LARP1B: variants seen among roughly 807,000 people sequenced by gnomAD.
LARP1B encodes La ribonucleoprotein 1B, also known as la-related protein 1B.
Under a neutral mutation model 114.2 loss-of-function variants are expected in LARP1B, and 76 were observed. The observed-to-expected ratio is 0.67, with a 90% CI of 0.55 to 0.81. The LOEUF is 0.81. Ranked by LOEUF, LARP1B falls within the 30% of genes least tolerant of loss-of-function variation. The probability of loss-of-function intolerance (pLI) is 0.00; values close to 1 mark genes in which losing one functional copy is unlikely to be tolerated. For missense variants in LARP1B, 1,014 were observed against 1,075.8 expected (o/e 0.94, Z 0.80); for synonymous variants, 345 against 348.0 (o/e 0.99, Z 0.10).
chr4:128,084,943 A>G (rs954460127), intron 5 of LARP1B, among the ~76,000 whole-genome samples: 1 of 151,552 alleles, frequency 6.6e-6, no homozygotes, highest in African/African-American at 2.4e-5. Context: ...GGCTCACTGC[A>G]ACCTCTGCCT....
chr4:128,097,904 A>G (rs1484957506), intron 7 of LARP1B, among the ~76,000 whole-genome samples: 1 of 152,224 alleles, frequency 6.6e-6, no homozygotes, highest in Non-Finnish European at 1.5e-5. Flanking sequence ...TTTTAAGGTA[A>G]AATGAGCAGC....
chr4:128,221,504 C>T (rs1460059162), intron 7 of LARP1B, among the ~76,000 whole-genome samples: 1 of 152,184 alleles, frequency 6.6e-6, no homozygotes, highest in Non-Finnish European at 1.5e-5. Context: ...TAACAATATA[C>T]TGCACGTATT....
chr4:128,176,192 A>G (rs1745936626), intron 12 of LARP1B, among the ~76,000 whole-genome samples: 1 of 143,032 alleles, frequency 7.0e-6, no homozygotes, highest in African/African-American at 2.5e-5. Flanking sequence ...ATATAAATAT[A>G]TTTTTATATA....
At chr4:128,082,042 C>T in intron 4 of LARP1B, 123 bp from the exon 5 acceptor site, 3 of 969,548 alleles carry the variant, frequency 3.1e-6, no homozygotes, top group Non-Finnish European at 4.6e-6. Context: ...GGCCTCTTTA[C>T]AAATAATCTT....
chr4:128,199,296 T>C, intron 15 of LARP1B, 143 bp from the exon 16 acceptor site: 1 of 477,542 alleles, frequency 2.1e-6, no homozygotes, highest in Non-Finnish European at 3.6e-6. Flanking sequence ...CAGATCTGTA[T>C]GTCATTAATT....
chr4:128,103,540 A>G (rs1001096725), intron 8 of LARP1B, among the ~76,000 whole-genome samples: 7 of 150,408 alleles, frequency 4.7e-5, no homozygotes, highest in Admixed American at 4.6e-4. Flanking sequence ...ACTACATACA[A>G]TGTTTGTTAT....
chr4:128,108,009 A>T (rs1782689081), intron 9 of LARP1B: 1 of 1,526,306 alleles, frequency 6.6e-7, no homozygotes, highest in Non-Finnish European at 8.7e-7. Flanking sequence ...AAGCGATCAG[A>T]CTGTCTTCTG....
chr4:128,150,365 G>A (rs941794249), intron 11 of LARP1B, among the ~76,000 whole-genome samples: 2 of 149,120 alleles, frequency 1.3e-5, no homozygotes, highest in South Asian at 2.1e-4. Context: ...AGATCATAGC[G>A]TACTGCAGCC....
intron 4 of LARP1B, among the ~76,000 whole-genome samples, chr4:128,079,154 GC>G (rs1429303131): frequency 9.9e-5 from 15 of 151,096 alleles, no homozygotes; most frequent in Admixed American, 9.9e-4. Context: ...GAGTGCAGTG[GC>G]CCAGTCTTGA....
At chr4:128,062,914 T>A (rs1215416595) in intron 1 of LARP1B, among the ~76,000 whole-genome samples, 1 of 151,784 alleles carries the variant, frequency 6.6e-6, no homozygotes, top group Non-Finnish European at 1.5e-5. Context: ...TAAGTATAAT[T>A]AAAAAAAATA....
In LARP1B at chr4:128,122,092, C is replaced by A. The variant is rs774551960; in HGVS notation, c.1428C>A (p.Ile476=). ...RTGTHMSRAK[I]TSELAKVIND... ...GCACCCACATGTCTCGGGCAAAAAT[C>A]ACATCTGAACTTGCTAAAGTTATCA... Residue 476 remains isoleucine, a synonymous_variant, in exon 11 of 20, where the codon ATC becomes ATA. Transcript: ENST00000326639. 1 of 1,614,084 alleles carries A rather than the reference C, an allele frequency of 6.2e-7. No individual in the cohort carries two copies. Among genetic ancestry groups the A allele is most frequent in the Admixed American group, 1.7e-5 (1 of 60,020 alleles).
chr4:128,087,294 G>A (rs993519294), intron 5 of LARP1B, among the ~76,000 whole-genome samples: 3 of 152,196 alleles, frequency 2.0e-5, no homozygotes, highest in African/African-American at 7.2e-5. Flanking sequence ...ACAATAGGAT[G>A]AGCATTTGTT....
chr4:128,143,210 G>A (rs574366363), intron 11 of LARP1B, among the ~76,000 whole-genome samples: 3 of 152,164 alleles, frequency 2.0e-5, no homozygotes, highest in East Asian at 1.9e-4. Context: ...ACTTGAACCC[G>A]GGAGGTGGAG....
chr4:128,062,633 CAG>C (rs1323279261), intron 1 of LARP1B, among the ~76,000 whole-genome samples: 2 of 132,894 alleles, frequency 1.5e-5, no homozygotes, highest in African/African-American at 2.8e-5. Context: ...TGAAGCAAGT[CAG>C]AGCAAGGGGA....
intron 9 of LARP1B, 130 bp from the exon 10 acceptor site, chr4:128,114,440 A>G: frequency 3.0e-6 from 2 of 668,090 alleles, no homozygotes; most frequent in Non-Finnish European, 5.1e-6. Context: ...ATCACTGGAA[A>G]GCTTACAGTT....
intron 11 of LARP1B, among the ~76,000 whole-genome samples, chr4:128,132,693 C>T (rs1359973941): frequency 1.3e-5 from 2 of 152,002 alleles, no homozygotes; most frequent in African/African-American, 4.8e-5. Flanking sequence ...TATTGTAGAG[C>T]AGCGGTCCCC....
intron 11 of LARP1B, among the ~76,000 whole-genome samples, chr4:128,125,707 A>G (rs1213036247): frequency 4.6e-5 from 7 of 152,178 alleles, no homozygotes; most frequent in African/African-American, 9.7e-5. Flanking sequence ...GATCACGTCA[A>G]TGCATTCCAG....
chr4:128,210,239 C>T lies in LARP1B; in HGVS notation c.*186C>T. On this transcript the variant is annotated 3_prime_UTR_variant, in exon 20 of 20. Coordinates refer to ENST00000326639, the MANE Select transcript of LARP1B (RefSeq NM_018078.4). ...AGAAAAGTGGTAGCATTTTTTCTAA[C>T]AAGATAAATTCTAAAAATGTTTTCC... is the stretch of plus-strand genomic sequence containing the variant. 7.1e-7 allele frequency: 1 copy of T among 1,409,620 alleles called. No homozygotes were observed. Among genetic ancestry groups the T allele is most frequent in the Admixed American group, 2.9e-5 (1 of 34,334 alleles). The allele number at this position is 1,409,620 out of a possible 1,614,324, so 87.3% of individuals were successfully genotyped here. A position where few individuals can be genotyped will look rare whatever the true frequency, so the allele number is the denominator to read the frequency against.
At position 128,079,092 on chromosome 4, in the gene LARP1B, CT is replaced by C. The variant is rs75874776; in HGVS notation, c.217+1148del. On this transcript the variant is annotated intron_variant, in intron 4 of 19. Coordinates refer to ENST00000326639, the MANE Select transcript of LARP1B (RefSeq NM_018078.4). ...CTGATCACTTACTTGAATAGTTTGTCTTTTTTTTTTTTTTTTTTAAGAGACA... is the reference window on the plus strand; with the variant it reads ...CTGATCACTTACTTGAATAGTTTGTCTTTTTTTTTTTTTTTTTAAGAGACA... Among the ~76,000 whole-genome samples the C allele has an allele frequency of 1.8e-3, 263 of 142,226 alleles. 1 individual carries two copies. Among genetic ancestry groups the C allele is most frequent in the East Asian group, 0.012 (59 of 4,788 alleles). The allele number at this position is 142,226 out of a possible 152,430, so 93.3% of individuals were successfully genotyped here.
Sources: allele counts gnomAD v4.1 joint callset (sites outside exome capture counted in the v4.1 genomes callset), GRCh38; gene constraint gnomAD v4.1.1; transcripts MANE v1.5; gene names NCBI Gene and HGNC (gene_info 2026-07-23, HGNC 2026-07-21).